The following GPR158 variants were observed in gnomAD, a reference collection of about 807,000 sequenced individuals.
GPR158 encodes metabotropic glycine receptor.
Under a neutral mutation model 78.2 loss-of-function variants are expected in GPR158, and 30 were observed. The observed-to-expected ratio is 0.38, with a 90% CI of 0.29 to 0.52. GPR158 has a LOEUF of 0.52. GPR158 is among the 20% of genes least tolerant of loss of function. The probability of loss-of-function intolerance (pLI) is 0.83; values close to 1 mark genes in which losing one functional copy is unlikely to be tolerated. For missense variants in GPR158, 1,463 were observed against 1,523.5 expected, an observed-to-expected ratio of 0.96 and a Z score of 0.66; for synonymous variants, 581 against 591.1, an observed-to-expected ratio of 0.98 and a Z score of 0.25.
intron 7 of GPR158, 40 bp from the exon 8 acceptor site, chr10:25,588,967 C>T: frequency 7.2e-7 from 1 of 1,392,688 alleles, no homozygotes; most frequent in Non-Finnish European, 9.7e-7. Context: ...TTTATTTCTT[C>T]ACCTATAAAA....
intron 2 of GPR158, among the ~76,000 whole-genome samples, chr10:25,343,817 A>C (rs1210791592): frequency 6.6e-6 from 1 of 151,992 alleles, no homozygotes; most frequent in Non-Finnish European, 1.5e-5. Flanking sequence ...ATGCACACAC[A>C]CTGTATACTT....
intron 2 of GPR158, among the ~76,000 whole-genome samples, chr10:25,394,709 T>G (rs1341796004): frequency 6.6e-6 from 1 of 152,148 alleles, no homozygotes; most frequent in Non-Finnish European, 1.5e-5. Flanking sequence ...AGAAGGTCCT[T>G]TAGAGAGCTC....
chr10:25,376,718 A>C (rs1345908471), intron 2 of GPR158, among the ~76,000 whole-genome samples: 1 of 151,692 alleles, frequency 6.6e-6, no homozygotes, highest in Non-Finnish European at 1.5e-5. Context: ...GATTTCTGAA[A>C]ATATCTTTAT....
At chr10:25,463,645 G>A (rs956753124) in intron 4 of GPR158, among the ~76,000 whole-genome samples, 1 of 151,998 alleles carries the variant, frequency 6.6e-6, no homozygotes, top group African/African-American at 2.4e-5. Flanking sequence ...GGAAGGAGAT[G>A]ACTTTTTTTC....
intron 3 of GPR158, among the ~76,000 whole-genome samples, chr10:25,411,809 C>G (rs1834589076): frequency 6.6e-6 from 1 of 151,538 alleles, no homozygotes; most frequent in Admixed American, 6.6e-5. Flanking sequence ...GTGGTGGGCA[C>G]CTGTAGTCCA....
chr10:25,250,836 G>A (rs1392978039), intron 2 of GPR158, among the ~76,000 whole-genome samples: 1 of 151,080 alleles, frequency 6.6e-6, no homozygotes, highest in African/African-American at 2.5e-5. Context: ...GGTCCGCTTG[G>A]TGCAGAGCTG....
At chr10:25,239,607 C>A (rs974938236) in intron 2 of GPR158, among the ~76,000 whole-genome samples, 174 of 137,712 alleles carry the variant, frequency 1.3e-3, no homozygotes, top group Admixed American at 1.3e-3. Context: ...GACTCTGTCT[C>A]AAAAAAAAAA....
chr10:25,517,520 G>C (rs1386550366), intron 5 of GPR158, among the ~76,000 whole-genome samples: 1 of 152,028 alleles, frequency 6.6e-6, no homozygotes, highest in Non-Finnish European at 1.5e-5. Flanking sequence ...GTCATAGACA[G>C]CTCTTATTAT....
chr10:25,382,593 G>T (rs565820898), intron 2 of GPR158, among the ~76,000 whole-genome samples: 1 of 151,848 alleles, frequency 6.6e-6, no homozygotes, highest in Non-Finnish European at 1.5e-5. Flanking sequence ...GTTATTCATG[G>T]GTTCTTGTTT....
At chr10:25,394,965 T>C (rs1588843284) in intron 2 of GPR158, among the ~76,000 whole-genome samples, 1 of 152,264 alleles carries the variant, frequency 6.6e-6, no homozygotes. Flanking sequence ...TAATAGATTA[T>C]AGTGGTAAAA....
At chr10:25,213,223 T>G (rs1016051005) in intron 1 of GPR158, among the ~76,000 whole-genome samples, 2 of 152,190 alleles carry the variant, frequency 1.3e-5, no homozygotes, top group African/African-American at 4.8e-5. Flanking sequence ...AGTGATACAG[T>G]AAGCATTCTT....
chr10:25,282,421 C>T (rs1365874509), intron 2 of GPR158, among the ~76,000 whole-genome samples: 3 of 152,134 alleles, frequency 2.0e-5, no homozygotes, highest in African/African-American at 7.2e-5. Context: ...AACAATTATG[C>T]TTACAATTTA....
intron 2 of GPR158, among the ~76,000 whole-genome samples, chr10:25,235,420 T>C (rs986248607): frequency 1.1e-4 from 16 of 144,046 alleles, no homozygotes; most frequent in African/African-American, 4.5e-4. Flanking sequence ...GTTATTTCTC[T>C]TCTTCCTTTT....
chr10:25,464,786 G>T (rs1049395060), intron 4 of GPR158, among the ~76,000 whole-genome samples: 1 of 152,068 alleles, frequency 6.6e-6, no homozygotes, highest in Non-Finnish European at 1.5e-5. Flanking sequence ...TTCATTTTTT[G>T]TGTCTTTTTT....
At chr10:25,291,875 C>T (rs977919882) in intron 2 of GPR158, among the ~76,000 whole-genome samples, 39 of 152,136 alleles carry the variant, frequency 2.6e-4, no homozygotes, top group African/African-American at 8.9e-4. Flanking sequence ...AAAGCAATTT[C>T]ATTATAAATT....
intron 2 of GPR158, among the ~76,000 whole-genome samples, chr10:25,228,318 A>G (rs180899959): frequency 2.6e-5 from 4 of 151,788 alleles, no homozygotes; most frequent in Non-Finnish European, 5.9e-5. Flanking sequence ...TCTAAAATAT[A>G]TAAATATAAT....
chr10:25,597,193 C>T (rs34165831), intron 10 of GPR158, among the ~76,000 whole-genome samples: 10,731 of 152,184 alleles, frequency 0.071, 433 homozygotes, highest in Admixed American at 0.093. Flanking sequence ...TAATCTATGA[C>T]GACATATCAG....
chr10:25,553,458 A>G (rs1156370614), intron 6 of GPR158, among the ~76,000 whole-genome samples: 1 of 152,058 alleles, frequency 6.6e-6, no homozygotes, highest in Non-Finnish European at 1.5e-5. Flanking sequence ...TGGCTTTACT[A>G]TTATATTCTG....
chr10:25,453,157 G>A (rs1835244693), intron 4 of GPR158, among the ~76,000 whole-genome samples: 1 of 152,094 alleles, frequency 6.6e-6, no homozygotes. Context: ...TTCATATCTT[G>A]GCTGTAGTAA....
Sources: allele counts gnomAD v4.1 joint callset (sites outside exome capture counted in the v4.1 genomes callset), GRCh38; gene constraint gnomAD v4.1.1; transcripts MANE v1.5; gene names NCBI Gene and HGNC (gene_info 2026-07-23, HGNC 2026-07-21).